MIB1: variants seen among roughly 807,000 people sequenced by gnomAD.
The protein encoded by MIB1 is E3 ubiquitin-protein ligase MIB1.
In MIB1, 278 loss-of-function variants were observed where a neutral mutation model predicts 124.5. The observed-to-expected ratio is 2.23, with a 90% CI of 2.02 to 2.47. The LOEUF (loss-of-function observed/expected upper bound fraction) is 2.47, where lower values mean the gene tolerates loss of function less well. Among genes scored for constraint, MIB1 ranks in the 30% most tolerant of loss-of-function variants. The pLI, the probability that MIB1 is intolerant of heterozygous loss-of-function variation, is 0.00. For missense variants in MIB1, 957 were observed against 1,254.4 expected, an observed-to-expected ratio of 0.76 and a Z score of 3.58; for synonymous variants, 446 against 429.4, an observed-to-expected ratio of 1.04 and a Z score of -0.48.
intron 20 of MIB1, among the ~76,000 whole-genome samples, chr18:21,860,898 C>G (rs1598647473): frequency 6.6e-6 from 1 of 152,082 alleles, no homozygotes; most frequent in Non-Finnish European, 1.5e-5. Flanking sequence ...AATCAGCAGA[C>G]TGTTATGACA....
chr18:21,819,245 C>T (rs1002028005), intron 11 of MIB1, among the ~76,000 whole-genome samples: 3 of 152,112 alleles, frequency 2.0e-5, no homozygotes, highest in Non-Finnish European at 4.4e-5. Flanking sequence ...CTATATGTTG[C>T]CCAGGTTGGT....
intron 1 of MIB1, among the ~76,000 whole-genome samples, chr18:21,730,004 T>C (rs1433184738): frequency 6.6e-6 from 1 of 152,248 alleles, no homozygotes; most frequent in African/African-American, 2.4e-5. Flanking sequence ...GCAGCTCAAA[T>C]GGACTAAGAT....
intron 1 of MIB1, among the ~76,000 whole-genome samples, chr18:21,748,204 G>C (rs1228496987): frequency 6.6e-6 from 1 of 152,170 alleles, no homozygotes; most frequent in African/African-American, 2.4e-5. Context: ...TCAGAAACAT[G>C]ACCACCTGTA....
At chr18:21,745,872 A>G (rs1448702559) in intron 1 of MIB1, among the ~76,000 whole-genome samples, 2 of 151,910 alleles carry the variant, frequency 1.3e-5, no homozygotes, top group African/African-American at 4.8e-5. Flanking sequence ...ACACCTGACT[A>G]ACTTTTGTAT....
chr18:21,722,923 T>C (rs1393098839), intron 1 of MIB1, among the ~76,000 whole-genome samples: 1 of 152,206 alleles, frequency 6.6e-6, no homozygotes, highest in African/African-American at 2.4e-5. Context: ...GTTTCTGCAC[T>C]GTAAAGTAAC....
chr18:21,768,773 C>A, intron 3 of MIB1, 21 bp downstream of exon 3: 2 of 1,595,970 alleles, frequency 1.3e-6, no homozygotes, highest in South Asian at 2.3e-5. Flanking sequence ...TCTCTGAATT[C>A]ATTATGTATT....
chr18:21,758,069 G>A (rs1277090247), intron 1 of MIB1, among the ~76,000 whole-genome samples: 3 of 152,150 alleles, frequency 2.0e-5, no homozygotes, highest in African/African-American at 7.2e-5. Flanking sequence ...CAGGTTACTT[G>A]TCTGAGACTC....
At chr18:21,864,206 G>C (rs934653073) in intron 20 of MIB1, among the ~76,000 whole-genome samples, 1 of 152,026 alleles carries the variant, frequency 6.6e-6, no homozygotes, top group South Asian at 2.1e-4. Flanking sequence ...TGCTGCCCGC[G>C]TTCAAGTGAT....
intron 10 of MIB1, among the ~76,000 whole-genome samples, chr18:21,808,881 C>T (rs1297710578): frequency 1.3e-5 from 2 of 151,792 alleles, no homozygotes; most frequent in Non-Finnish European, 2.9e-5. Flanking sequence ...AGTTTCCAAA[C>T]ATAGTACATC....
At chr18:21,746,315 CTAATATTT>C (rs1229284088) in intron 1 of MIB1, among the ~76,000 whole-genome samples, 5 of 152,126 alleles carry the variant, frequency 3.3e-5, no homozygotes, top group Non-Finnish European at 7.3e-5. Flanking sequence ...ATGCGGGTCT[CTAATATTT>C]TGGCATATCA....
At chr18:21,719,693 A>G (rs760108315) in intron 1 of MIB1, among the ~76,000 whole-genome samples, 13 of 148,922 alleles carry the variant, frequency 8.7e-5, no homozygotes, top group African/African-American at 1.2e-4. Context: ...TCCTGACCTC[A>G]TGATCCGCCC....
rs776445854 is a variant in MIB1, at chr18:21,799,890, T to G, written c.1287T>G (p.Gly429=). 1 of 1,612,452 alleles carries G rather than the reference T, an allele frequency of 6.2e-7. No homozygotes were observed. Among genetic ancestry groups the G allele is most frequent in the East Asian group, 2.2e-5 (1 of 44,772 alleles). The change falls in exon 9 of 21, where the codon GGT becomes GGG. Residue 429 remains glycine, a synonymous_variant. Coordinates refer to ENST00000261537, the MANE Select transcript of MIB1 (RefSeq NM_020774.4). ...LKKLFETQES[G]DLNEELVKAA... ...AATTATTTGAAACCCAAGAATCTGG[T>G]GACCTCAATGAAGAATTAGTTAAGG...
chr18:21,732,332 A>T (rs529080737), intron 1 of MIB1, among the ~76,000 whole-genome samples: 77 of 145,560 alleles, frequency 5.3e-4, no homozygotes, highest in African/African-American at 1.7e-3. Context: ...CATCTAAAAA[A>T]ATATATATAT....
intron 12 of MIB1, among the ~76,000 whole-genome samples, chr18:21,836,080 C>T (rs1480691716): frequency 2.6e-5 from 4 of 151,266 alleles, no homozygotes; most frequent in Admixed American, 6.6e-5. Flanking sequence ...GGTGAAACCC[C>T]GCCTCTACAA....
At chr18:21,823,770 G>A (rs1419444648) in intron 12 of MIB1, among the ~76,000 whole-genome samples, 5 of 151,946 alleles carry the variant, frequency 3.3e-5, no homozygotes, top group African/African-American at 1.2e-4. Flanking sequence ...TTTTTTTTGA[G>A]AAATCTTAAC....
At chr18:21,792,389 C>T (rs2041516072) in intron 7 of MIB1, among the ~76,000 whole-genome samples, 1 of 149,824 alleles carries the variant, frequency 6.7e-6, no homozygotes, top group African/African-American at 2.5e-5. Flanking sequence ...GGTCTCTTCT[C>T]CTGGCCAGCA....
intron 12 of MIB1, among the ~76,000 whole-genome samples, chr18:21,823,413 AAAAG>A (rs1403941181): frequency 1.2e-4 from 18 of 152,018 alleles, no homozygotes; most frequent in East Asian, 1.9e-4. Context: ...AAAAAAAAAA[AAAAG>A]AAAGAAAAGA....
chr18:21,856,598 A>G (rs373243935), intron 18 of MIB1, among the ~76,000 whole-genome samples: 1 of 152,214 alleles, frequency 6.6e-6, no homozygotes, highest in African/African-American at 2.4e-5. Context: ...ATTAGGACAA[A>G]TAGCTAATGC....
At chr18:21,757,487 CTTTT>C (rs749427675) in intron 1 of MIB1, among the ~76,000 whole-genome samples, 1 of 84,334 alleles carries the variant, frequency 1.2e-5, no homozygotes. Context: ...AAAAGACAGT[CTTTT>C]TTTTTTTTTT....
Sources: allele counts gnomAD v4.1 joint callset (sites outside exome capture counted in the v4.1 genomes callset), GRCh38; gene constraint gnomAD v4.1.1; transcripts MANE v1.5; gene names NCBI Gene and HGNC (gene_info 2026-07-23, HGNC 2026-07-21).